The following EPB41L4B variants were observed in gnomAD, a reference collection of about 807,000 sequenced individuals.
EPB41L4B encodes erythrocyte membrane protein band 4.1 like 4B.
EPB41L4B carries 30 observed loss-of-function variants against 112.5 expected under a neutral mutation model. That is an observed-to-expected ratio of 0.27 (90% CI 0.20 to 0.36). EPB41L4B has a LOEUF of 0.36. Ranked by LOEUF, EPB41L4B falls within the 10% of genes least tolerant of loss-of-function variation. The pLI is 1.00. For missense variants in EPB41L4B, 1,024 were observed against 1,133.3 expected, an observed-to-expected ratio of 0.90 and a Z score of 1.38; for synonymous variants, 408 against 439.7, an observed-to-expected ratio of 0.93 and a Z score of 0.90.
At chr9:109,279,786 T>G in intron 2 of EPB41L4B, 31 bp downstream of exon 2, 1 of 1,572,380 alleles carries the variant, frequency 6.4e-7, no homozygotes, top group South Asian at 1.1e-5. Flanking sequence ...AAAGCCAATC[T>G]GTTCTGAAAT....
chr9:109,270,335 G>A (rs773698744), intron 2 of EPB41L4B, among the ~76,000 whole-genome samples: 42 of 152,116 alleles, frequency 2.8e-4, no homozygotes, highest in Non-Finnish European at 4.7e-4. Context: ...GGGATGGTGG[G>A]GCTGTGAATG....
At position 109,176,040 on chromosome 9, in the gene EPB41L4B, TCACACACACGCACACACACACA is replaced by T. The variant is rs1316111705; in HGVS notation, c.2633+489_2633+510del. Among the ~76,000 whole-genome samples, 211 of 43,484 alleles carry T rather than the reference TCACACACACGCACACACACACA, an allele frequency of 4.9e-3. 2 individuals carry two copies. Among genetic ancestry groups the T allele is most frequent in the African/African-American group, 0.021 (200 of 9,380 alleles). 28.5% of individuals were successfully genotyped at this position (43,484 alleles called of 152,430 possible). A position where few individuals can be genotyped will look rare whatever the true frequency, so the allele number is the denominator to read the frequency against. On this transcript the variant is annotated intron_variant, in intron 25 of 25. Coordinates refer to ENST00000374566, the MANE Select transcript of EPB41L4B (RefSeq NM_019114.5). ...TTTTCCTCCCTATCCCTTGTCAATA[TCACACACACGCACACACACACA>T]CACACACACACACACACACACACAC...
intron 1 of EPB41L4B, chr9:109,301,155 C>A (rs1300297699): frequency 1.3e-5 from 2 of 152,252 alleles, no homozygotes; most frequent in Non-Finnish European, 2.9e-5. Context: ...AGCCCCAACG[C>A]CCTGAGATCC....
chr9:109,174,383 A>G lies in EPB41L4B; in HGVS notation c.*171T>C. ...AAAAACTCTAATGCTTAGGAGACAT[A>G]AAATAACTTTTCCCATAAAAGTCAA... is the stretch of plus-strand genomic sequence containing the variant. On this transcript the variant is annotated 3_prime_UTR_variant, in exon 26 of 26. Coordinates refer to ENST00000374566, the MANE Select transcript of EPB41L4B (RefSeq NM_019114.5). The G allele has an allele frequency of 1.6e-6, 1 of 634,234 alleles. No individual in the cohort carries two copies. Among genetic ancestry groups the G allele is most frequent in the Non-Finnish European group, 2.9e-6 (1 of 348,914 alleles). The allele number at this position is 634,234 out of a possible 1,614,324, so 39.3% of individuals were successfully genotyped here.
At chr9:109,314,036 C>T (rs1294904594) in intron 1 of EPB41L4B, among the ~76,000 whole-genome samples, 1 of 152,166 alleles carries the variant, frequency 6.6e-6, no homozygotes, top group Non-Finnish European at 1.5e-5. Context: ...AGCACACACA[C>T]GAACCTGGAA....
chr9:109,230,942 G>A (rs1833932092), intron 15 of EPB41L4B, among the ~76,000 whole-genome samples: 1 of 152,158 alleles, frequency 6.6e-6, no homozygotes, highest in Admixed American at 6.5e-5. Context: ...GATCATCTGA[G>A]GTCAGGAGTT....
chr9:109,266,314 T>C (rs1416286870), intron 4 of EPB41L4B, among the ~76,000 whole-genome samples: 2 of 152,016 alleles, frequency 1.3e-5, no homozygotes, highest in Admixed American at 6.6e-5. Context: ...AGGTTGAGGC[T>C]GCAGTAAGCT....
chr9:109,305,744 GA>G (rs1837163315), intron 1 of EPB41L4B, among the ~76,000 whole-genome samples: 1 of 152,078 alleles, frequency 6.6e-6, no homozygotes, highest in Non-Finnish European at 1.5e-5. Flanking sequence ...TCAACATGGT[GA>G]AACCCCGTCT....
intron 16 of EPB41L4B, among the ~76,000 whole-genome samples, chr9:109,214,575 T>C (rs2118823404): frequency 6.6e-6 from 1 of 152,250 alleles, no homozygotes; most frequent in Non-Finnish European, 1.5e-5. Flanking sequence ...CAAGCGAACA[T>C]TTGAATGGGC....
rs150452050 is a variant in EPB41L4B, at chr9:109,304,712, T to C, written c.306+15429A>G. ...GGGATGAGGGGTCAGAGTGAAGCCA[T>C]GGAAAGGGCTTGGAACAATGTAAAT... On this transcript the variant is annotated intron_variant, in intron 1 of 25. Coordinates refer to ENST00000374566, the MANE Select transcript of EPB41L4B (RefSeq NM_019114.5). Among the ~76,000 whole-genome samples the C allele has an allele frequency of 6.9e-3, 1,051 of 152,170 alleles. 12 individuals carry two copies. Among genetic ancestry groups the C allele is most frequent in the African/African-American group, 0.024 (1,010 of 41,490 alleles).
chr9:109,196,975 A>C (rs1262220652), intron 20 of EPB41L4B, among the ~76,000 whole-genome samples: 2 of 152,218 alleles, frequency 1.3e-5, no homozygotes, highest in Non-Finnish European at 2.9e-5. Context: ...TAGGAACTAG[A>C]AATATTACAA....
chr9:109,182,040 C>T (rs1279648640), intron 24 of EPB41L4B, among the ~76,000 whole-genome samples: 1 of 152,136 alleles, frequency 6.6e-6, no homozygotes, highest in African/African-American at 2.4e-5. Flanking sequence ...GAAACCCCAC[C>T]TCTACTAAAA....
intron 1 of EPB41L4B, among the ~76,000 whole-genome samples, chr9:109,289,931 T>C (rs1378262233): frequency 6.6e-6 from 1 of 152,246 alleles, no homozygotes; most frequent in Non-Finnish European, 1.5e-5. Flanking sequence ...TTATTCCACT[T>C]ATCAGTGATT....
intron 1 of EPB41L4B, among the ~76,000 whole-genome samples, chr9:109,316,970 T>G (rs1471895139): frequency 6.6e-6 from 1 of 152,038 alleles, no homozygotes; most frequent in Non-Finnish European, 1.5e-5. Flanking sequence ...CCGGGTGTAG[T>G]GGTGCACAAC....
intron 2 of EPB41L4B, among the ~76,000 whole-genome samples, chr9:109,268,702 T>C (rs1588190919): frequency 3.3e-5 from 5 of 151,948 alleles, no homozygotes; most frequent in Middle Eastern, 6.8e-3. Context: ...ATCGAGACCA[T>C]CCTGGCTAAC....
At position 109,281,367 on chromosome 9, in the gene EPB41L4B, C is replaced by G. The variant is rs116185358; in HGVS notation, c.307-1446G>C. Among the ~76,000 whole-genome samples, 523 of 152,222 alleles carry G rather than the reference C, an allele frequency of 3.4e-3. 2 individuals are homozygous for G. Among genetic ancestry groups the G allele is most frequent in the African/African-American group, 0.012 (500 of 41,512 alleles). On this transcript the variant is annotated intron_variant, in intron 1 of 25. Coordinates refer to ENST00000374566, the MANE Select transcript of EPB41L4B (RefSeq NM_019114.5). ...CACTAGTCATGAGGGAAATGCAAAT[C>G]AAAATTACAATCAAATACTATGTCA...
chr9:109,276,200 C>CAT (rs1346534664), intron 2 of EPB41L4B, among the ~76,000 whole-genome samples: 1 of 107,166 alleles, frequency 9.3e-6, no homozygotes, highest in Non-Finnish European at 1.9e-5. Context: ...CACACACACA[C>CAT]ACAAATAACA....
chr9:109,185,980 C>T (rs188065857), intron 22 of EPB41L4B, among the ~76,000 whole-genome samples: 96 of 152,112 alleles, frequency 6.3e-4, no homozygotes, highest in African/African-American at 2.2e-3. Flanking sequence ...TGAAGCATTG[C>T]CCAGGCCAAG....
intron 21 of EPB41L4B, 124 bp downstream of exon 21, chr9:109,194,096 G>T: frequency 9.5e-7 from 1 of 1,056,102 alleles, no homozygotes; most frequent in Non-Finnish European, 1.4e-6. Context: ...TGTTGCTGTT[G>T]TTTTATGAGT....
Sources: allele counts gnomAD v4.1 joint callset (sites outside exome capture counted in the v4.1 genomes callset), GRCh38; gene constraint gnomAD v4.1.1; transcripts MANE v1.5; gene names NCBI Gene and HGNC (gene_info 2026-07-23, HGNC 2026-07-21).